The following TTC27 variants were observed in gnomAD, a reference collection of about 807,000 sequenced individuals.
The protein encoded by TTC27 is tetratricopeptide repeat domain 27.
In TTC27, 79 loss-of-function variants were observed where a neutral mutation model predicts 115.9. That is an observed-to-expected ratio of 0.68 (90% CI 0.57 to 0.82). The LOEUF (loss-of-function observed/expected upper bound fraction) is 0.82, where lower values mean the gene tolerates loss of function less well. Ranked by LOEUF, TTC27 falls within the 40% of genes least tolerant of loss-of-function variation. The pLI is 0.00. For synonymous variants in TTC27, 401 were observed against 356.0 expected (o/e 1.13, Z -1.42); for missense variants, 1,054 against 993.1 (o/e 1.06, Z -0.82).
intron 4 of TTC27, among the ~76,000 whole-genome samples, chr2:32,643,194 T>C (rs1367400531): frequency 6.6e-6 from 1 of 152,210 alleles, no homozygotes; most frequent in Admixed American, 6.5e-5. Context: ...AGGCTTCGTC[T>C]TTTGAGCTCT....
At chr2:32,772,635 T>C (rs1443379586) in intron 13 of TTC27, among the ~76,000 whole-genome samples, 2 of 152,336 alleles carry the variant, frequency 1.3e-5, no homozygotes, top group Middle Eastern at 3.4e-3. Context: ...GTTCTGAGCA[T>C]GTTTAAGGTA....
At chr2:32,748,812 T>C (rs988838295) in intron 12 of TTC27, among the ~76,000 whole-genome samples, 3 of 151,834 alleles carry the variant, frequency 2.0e-5, no homozygotes, top group Non-Finnish European at 4.4e-5. Flanking sequence ...CTCAGCATCC[T>C]GGGTAGCTGG....
chr2:32,778,519 C>T (rs999701942), intron 14 of TTC27, among the ~76,000 whole-genome samples: 3 of 152,214 alleles, frequency 2.0e-5, no homozygotes, highest in Non-Finnish European at 4.4e-5. Context: ...TCCCCTTCAG[C>T]CCTAGGCAAA....
intron 10 of TTC27, among the ~76,000 whole-genome samples, chr2:32,703,540 A>G: frequency 6.6e-6 from 1 of 152,226 alleles, no homozygotes; most frequent in Non-Finnish European, 1.5e-5. Flanking sequence ...GAATTAATAA[A>G]TAAAGATATG....
At chr2:32,696,119 A>C in intron 9 of TTC27, among the ~76,000 whole-genome samples, 1 of 145,956 alleles carries the variant, frequency 6.9e-6, no homozygotes, top group African/African-American at 2.6e-5. Context: ...GCGAGACTCT[A>C]CCTCAAAAAA....
In TTC27 at chr2:32,668,817, C is replaced by T. The variant is rs534690658; in HGVS notation, c.939+2049C>T. On this transcript the variant is annotated intron_variant, in intron 7 of 19. Coordinates refer to ENST00000317907, the MANE Select transcript of TTC27 (RefSeq NM_017735.5). ...AATTTTGGCTGGGCGTGGTGGCTCACGCCTGTAATCCCAGCACTTTGGGAG... is the reference window on the plus strand; with the variant it reads ...AATTTTGGCTGGGCGTGGTGGCTCATGCCTGTAATCCCAGCACTTTGGGAG... 5.6e-4 allele frequency among the ~76,000 whole-genome samples: 84 copies of T among 149,650 alleles called. 1 individual carries two copies. Among genetic ancestry groups the T allele is most frequent in the Admixed American group, 3.8e-3 (57 of 14,992 alleles).
At chr2:32,725,930 C>T (rs1000738263) in intron 10 of TTC27, among the ~76,000 whole-genome samples, 2 of 110,478 alleles carry the variant, frequency 1.8e-5, no homozygotes, top group African/African-American at 5.7e-5. Flanking sequence ...TCAACACCAA[C>T]AGAAGCTGCC....
chr2:32,670,094 T>C (rs1442544250), intron 7 of TTC27, among the ~76,000 whole-genome samples: 1 of 151,752 alleles, frequency 6.6e-6, no homozygotes, highest in Non-Finnish European at 1.5e-5. Context: ...GCCAGGCTGG[T>C]CTCGAACTTC....
chr2:32,630,961 C>T (rs899479610), intron 2 of TTC27, among the ~76,000 whole-genome samples: 12 of 151,876 alleles, frequency 7.9e-5, no homozygotes, highest in African/African-American at 2.7e-4. Context: ...TAGGTCTGGT[C>T]GGCTTTACCC....
intron 5 of TTC27, among the ~76,000 whole-genome samples, chr2:32,651,724 C>A (rs1354664969): frequency 6.6e-6 from 1 of 152,158 alleles, no homozygotes; most frequent in Non-Finnish European, 1.5e-5. Context: ...ATAAATATTC[C>A]TAAGCCAGGT....
intron 3 of TTC27, chr2:32,635,390 T>C (rs556123918): frequency 6.5e-6 from 1 of 153,740 alleles, no homozygotes; most frequent in South Asian, 2.0e-4. Context: ...TTCTCAGAAT[T>C]AGGTGTAGCA....
At chr2:32,784,019 T>G (rs1670266427) in intron 15 of TTC27, among the ~76,000 whole-genome samples, 1 of 152,226 alleles carries the variant, frequency 6.6e-6, no homozygotes, top group African/African-American at 2.4e-5. Flanking sequence ...CCATTCTCTT[T>G]AGAAGATCAT....
chr2:32,652,776 C>G (rs548282400), intron 5 of TTC27, among the ~76,000 whole-genome samples: 3 of 152,118 alleles, frequency 2.0e-5, no homozygotes, highest in Admixed American at 2.0e-4. Context: ...AACTGAAATA[C>G]GATTCAGCGT....
intron 11 of TTC27, 126 bp from the exon 12 acceptor site, chr2:32,736,568 T>C: frequency 2.0e-6 from 2 of 1,012,854 alleles, no homozygotes; most frequent in Non-Finnish European, 2.9e-6. Context: ...TAGTACAGAT[T>C]GTAGAATTTA....
At chr2:32,681,118 C>T (rs1666409068) in intron 9 of TTC27, among the ~76,000 whole-genome samples, 1 of 152,104 alleles carries the variant, frequency 6.6e-6, no homozygotes, top group Non-Finnish European at 1.5e-5. Flanking sequence ...AGACCGACCT[C>T]TTTTTGGAGG....
At chr2:32,726,152 G>A (rs892383047) in intron 10 of TTC27, among the ~76,000 whole-genome samples, 6 of 152,158 alleles carry the variant, frequency 3.9e-5, no homozygotes, top group African/African-American at 9.7e-5. Context: ...GACCCCTTTC[G>A]CCCTGGAGAC....
intron 18 of TTC27, among the ~76,000 whole-genome samples, chr2:32,814,531 T>C (rs1671433464): frequency 6.6e-6 from 1 of 152,218 alleles, no homozygotes; most frequent in Non-Finnish European, 1.5e-5. Flanking sequence ...ATGAGTCTCT[T>C]CAAAACATTG....
chr2:32,701,311 C>G (rs991566295), intron 9 of TTC27, among the ~76,000 whole-genome samples: 1 of 152,324 alleles, frequency 6.6e-6, no homozygotes, highest in East Asian at 1.9e-4. Flanking sequence ...TTTTACATTA[C>G]TCTACTTTCT....
intron 12 of TTC27, among the ~76,000 whole-genome samples, chr2:32,754,151 T>C (rs1669120288): frequency 6.6e-6 from 1 of 151,534 alleles, no homozygotes; most frequent in Non-Finnish European, 1.5e-5. Context: ...TACATTCTTT[T>C]TTTTTTTTTT....
Sources: allele counts gnomAD v4.1 joint callset (sites outside exome capture counted in the v4.1 genomes callset), GRCh38; gene constraint gnomAD v4.1.1; transcripts MANE v1.5; gene names NCBI Gene and HGNC (gene_info 2026-07-23, HGNC 2026-07-21).